The following CALN1 variants were observed in gnomAD, a reference collection of about 807,000 sequenced individuals.
CALN1 encodes calneuron 1.
A neutral mutation model predicts 30.6 loss-of-function variants in CALN1; 17 were observed. That is an observed-to-expected ratio of 0.56 (90% CI 0.38 to 0.83). The LOEUF (loss-of-function observed/expected upper bound fraction) is 0.83. CALN1 is among the 40% of genes least tolerant of loss of function. The pLI is 0.00. For missense variants in CALN1, 291 were observed against 354.9 expected (o/e 0.82, Z 1.45); for synonymous variants, 156 against 131.4 (o/e 1.19, Z -1.28).
chr7:72,341,168 A>T (rs1386565727), intron 2 of CALN1, among the ~76,000 whole-genome samples: 5 of 152,206 alleles, frequency 3.3e-5, no homozygotes, highest in Non-Finnish European at 7.3e-5. Context: ...ATCATCTAAC[A>T]ATCTGTTGCC....
At chr7:72,069,585 T>C (rs1226672939) in intron 4 of CALN1, among the ~76,000 whole-genome samples, 1 of 152,142 alleles carries the variant, frequency 6.6e-6, no homozygotes, top group Non-Finnish European at 1.5e-5. Context: ...TCTCTGTGTG[T>C]CAAATCTCCC....
Position 71,787,887 on chromosome 7 carries a change from T to C in CALN1, c.674A>G (p.Gln225Arg). 6.2e-7 allele frequency: 1 copy of C among 1,614,130 alleles called. No individual in the cohort carries two copies. The highest frequency in any genetic ancestry group is 8.5e-7 in the Non-Finnish European group (1 of 1,180,018). Reference protein sequence around the residue: ...TEFEGVHSQKQNRQTCVRKSL... With the variant: ...TEFEGVHSQKRNRQTCVRKSL... ...CTTCCGGACGCAGGTCTGTCTGTTC[T>C]GCTTCTGGGAATGCACTGGTGGTGG... Residue 225 changes from glutamine to arginine, a missense_variant, in exon 7 of 7, where the codon CAG (glutamine) becomes CGG (arginine). Physicochemically the swap from Gln to Arg is conservative, Grantham distance 43. Coordinates refer to ENST00000395275, the MANE Select transcript of CALN1 (RefSeq NM_031468.4).
At chr7:72,324,557 GTAATTTATTTATTTATTTAT>G (rs1430319027) in intron 2 of CALN1, among the ~76,000 whole-genome samples, 10 of 68,612 alleles carry the variant, frequency 1.5e-4, no homozygotes, top group African/African-American at 3.4e-4. Context: ...TTTAAATGAT[GTAATTTATTTATTTATTTAT>G]TTATTTATTT....
At chr7:72,146,293 T>C (rs1786715835) in intron 3 of CALN1, among the ~76,000 whole-genome samples, 1 of 152,164 alleles carries the variant, frequency 6.6e-6, no homozygotes. Flanking sequence ...AAAAAATCAA[T>C]GTGCAAAAAT....
At chr7:72,202,376 AAAC>A (rs1047273392) in intron 3 of CALN1, among the ~76,000 whole-genome samples, 2 of 152,192 alleles carry the variant, frequency 1.3e-5, no homozygotes, top group African/African-American at 4.8e-5. Flanking sequence ...AGTAGAACAA[AAAC>A]AACAAACTAA....
intron 2 of CALN1, among the ~76,000 whole-genome samples, chr7:72,382,213 G>A (rs1393669744): frequency 6.6e-6 from 1 of 152,170 alleles, no homozygotes; most frequent in Non-Finnish European, 1.5e-5. Flanking sequence ...ACCCAGTAAT[G>A]GCTATATCCA....
At chr7:72,311,056 C>T (rs1800010708) in intron 2 of CALN1, among the ~76,000 whole-genome samples, 1 of 151,980 alleles carries the variant, frequency 6.6e-6, no homozygotes, top group African/African-American at 2.4e-5. Flanking sequence ...CTCCTGCATC[C>T]CTTCCCACCT....
chr7:71,861,174 G>A (rs535238337), intron 5 of CALN1, among the ~76,000 whole-genome samples: 35 of 131,346 alleles, frequency 2.7e-4, no homozygotes, highest in East Asian at 2.6e-3. Context: ...GTGTTGTGGT[G>A]TGGGGTGTGT....
At chr7:71,972,253 C>A (rs555938498) in intron 5 of CALN1, among the ~76,000 whole-genome samples, 1 of 152,270 alleles carries the variant, frequency 6.6e-6, no homozygotes, top group Admixed American at 6.5e-5. Flanking sequence ...TCGTTCTGAA[C>A]ACCCCACAGG....
At chr7:72,123,296 C>A (rs911332234) in intron 3 of CALN1, among the ~76,000 whole-genome samples, 7 of 152,164 alleles carry the variant, frequency 4.6e-5, no homozygotes, top group Non-Finnish European at 8.8e-5. Flanking sequence ...ACAAAAAATT[C>A]TTCTAAAGCC....
chr7:71,960,620 T>C (rs1038419597), intron 5 of CALN1, among the ~76,000 whole-genome samples: 1 of 152,190 alleles, frequency 6.6e-6, no homozygotes, highest in Non-Finnish European at 1.5e-5. Context: ...CTATTGTGAA[T>C]AGTGCTGCAA....
In CALN1 at chr7:72,107,016, A is replaced by G. The variant is rs188132657; in HGVS notation, c.245-722T>C. ...AAAGAAAGAAAAATAGAAAGAAAGAAAGAGAAAAAAAGAAAAAGAAAGAAA... is the reference window on the plus strand; with the variant it reads ...AAAGAAAGAAAAATAGAAAGAAAGAGAGAGAAAAAAAGAAAAAGAAAGAAA... On this transcript the variant is annotated intron_variant, in intron 3 of 6. Transcript: ENST00000395275. Among the ~76,000 whole-genome samples, 499 of 149,330 alleles carry G rather than the reference A, an allele frequency of 3.3e-3. 4 individuals carry two copies. The highest frequency in any genetic ancestry group is 0.012 in the African/African-American group (484 of 40,616).
intron 2 of CALN1, among the ~76,000 whole-genome samples, chr7:72,397,744 A>ACACACACACACACC (rs1806069431): frequency 6.6e-6 from 1 of 150,816 alleles, no homozygotes; most frequent in East Asian, 2.0e-4. Context: ...ACACACACAC[A>ACACACACACACACC]CACACACCTT....
intron 3 of CALN1, among the ~76,000 whole-genome samples, chr7:72,136,136 A>AAAATAAATAAAT (rs138109942): frequency 0.054 from 7,580 of 140,750 alleles, 262 homozygotes; most frequent in African/African-American, 0.094. Flanking sequence ...CTCTGTCTCA[A>AAAATAAATAAAT]AAATAAATAA....
intron 6 of CALN1, among the ~76,000 whole-genome samples, chr7:71,796,358 C>CTTTTT (rs35184000): frequency 1.2e-4 from 15 of 130,202 alleles, no homozygotes; most frequent in African/African-American, 1.7e-4. Flanking sequence ...ATGTTTCTTT[C>CTTTTT]TTTTTTTTTT....
At chr7:72,385,575 A>G (rs1398983986) in intron 2 of CALN1, among the ~76,000 whole-genome samples, 2 of 151,954 alleles carry the variant, frequency 1.3e-5, no homozygotes, top group African/African-American at 4.8e-5. Context: ...ATTCAGTTAT[A>G]AAAAAGAAAT....
chr7:72,072,094 G>C (rs1328186930), intron 4 of CALN1, among the ~76,000 whole-genome samples: 1 of 152,120 alleles, frequency 6.6e-6, no homozygotes, highest in Non-Finnish European at 1.5e-5. Context: ...GAAAAGGGTA[G>C]GGGAATATCT....
intron 6 of CALN1, among the ~76,000 whole-genome samples, chr7:71,803,043 A>G (rs1562792830): frequency 6.6e-6 from 1 of 152,102 alleles, no homozygotes; most frequent in Non-Finnish European, 1.5e-5. Context: ...AAAGAAAAAG[A>G]AAAAAAAGTA....
intron 3 of CALN1, among the ~76,000 whole-genome samples, chr7:72,134,184 G>A (rs377338609): frequency 1.3e-5 from 2 of 152,156 alleles, no homozygotes; most frequent in Admixed American, 1.3e-4. Flanking sequence ...GCAACAGGGC[G>A]CCATCTTGGA....
Sources: allele counts gnomAD v4.1 joint callset (sites outside exome capture counted in the v4.1 genomes callset), GRCh38; gene constraint gnomAD v4.1.1; transcripts MANE v1.5; gene names NCBI Gene and HGNC (gene_info 2026-07-23, HGNC 2026-07-21).